The following NUP205 variants were observed in gnomAD, a reference collection of about 807,000 sequenced individuals.
NUP205 encodes the protein nucleoporin 205.
A neutral mutation model predicts 253.8 loss-of-function variants in NUP205; 76 were observed. The observed-to-expected ratio is 0.30, with a 90% CI of 0.25 to 0.36. NUP205 has a LOEUF of 0.36. Among genes scored for constraint, NUP205 ranks in the 10% least tolerant of loss-of-function variants. The pLI is 1.00. For synonymous variants in NUP205, 832 were observed against 850.1 expected (o/e 0.98, Z 0.37); for missense variants, 2,162 against 2,425.5 (o/e 0.89, Z 2.28).
chr7:135,559,840 C>G (rs574180702), intron 1 of NUP205, among the ~76,000 whole-genome samples: 1 of 151,552 alleles, frequency 6.6e-6, no homozygotes, highest in Non-Finnish European at 1.5e-5. Context: ...TACAGGCGCC[C>G]GCCACCATGC....
chr7:135,606,722 T>C (rs908883558), intron 20 of NUP205, 29 bp from the exon 21 acceptor site: 1 of 1,587,598 alleles, frequency 6.3e-7, no homozygotes, highest in Non-Finnish European at 8.6e-7. Flanking sequence ...CACTGTTTTG[T>C]AATTTTGTTT....
At chr7:135,630,269 A>G in intron 34 of NUP205, 75 bp from the exon 35 acceptor site, 1 of 1,121,704 alleles carries the variant, frequency 8.9e-7, no homozygotes, top group Non-Finnish European at 1.2e-6. Flanking sequence ...TTATTTATAA[A>G]ATGAATTATG....
intron 2 of NUP205, among the ~76,000 whole-genome samples, chr7:135,572,942 CTTTT>C (rs1186445399): frequency 2.2e-5 from 3 of 137,510 alleles, no homozygotes; most frequent in Non-Finnish European, 4.8e-5. Flanking sequence ...TGCTTTTTAG[CTTTT>C]TTTTTTTTTT....
chr7:135,576,254 C>A lies in NUP205; in HGVS notation c.344-16C>A. 1 of 1,608,450 alleles carries A rather than the reference C, an allele frequency of 6.2e-7. No homozygotes were observed. The highest frequency in any genetic ancestry group is 1.1e-5 in the South Asian group (1 of 90,522). ...CGTGTTTATTAACAATATTATTTCT[C>A]AACTTCCTTTTTTAGGAGAGCATCA... is the stretch of plus-strand genomic sequence containing the variant. On this transcript the variant is annotated splice_polypyrimidine_tract_variant and intron_variant, in intron 3 of 42. Transcript: ENST00000285968.
At chr7:135,565,042 T>G (rs1021289121) in intron 1 of NUP205, among the ~76,000 whole-genome samples, 1 of 152,182 alleles carries the variant, frequency 6.6e-6, no homozygotes, top group African/African-American at 2.4e-5. Flanking sequence ...GTACTGGCAT[T>G]ACAAGTGTGA....
intron 10 of NUP205, among the ~76,000 whole-genome samples, chr7:135,589,029 T>A (rs1443059528): frequency 6.6e-6 from 1 of 150,754 alleles, no homozygotes; most frequent in African/African-American, 2.4e-5. Context: ...AAATACTAGC[T>A]CGGTGTGCTA....
chr7:135,597,229 C>G, intron 13 of NUP205, 139 bp from the exon 14 acceptor site: 1 of 576,148 alleles, frequency 1.7e-6, no homozygotes, highest in Non-Finnish European at 3.2e-6. Context: ...CATCCAGGGA[C>G]TAATTGATTG....
At chr7:135,577,163 T>C (rs1806175164) in intron 5 of NUP205, 35 bp downstream of exon 5, 2 of 1,575,706 alleles carry the variant, frequency 1.3e-6, no homozygotes, top group Non-Finnish European at 1.7e-6. Flanking sequence ...ATGAGTTGTC[T>C]GTCAAATCTC....
At chr7:135,567,132 A>ATGTG (rs1563108034) in intron 1 of NUP205, among the ~76,000 whole-genome samples, 3 of 6,240 alleles carry the variant, frequency 4.8e-4, no homozygotes, top group African/African-American at 1.3e-3. Context: ...ATGTGTGTAT[A>ATGTG]TATATATATA....
chr7:135,607,827 G>C (rs1417994662), intron 22 of NUP205, among the ~76,000 whole-genome samples: 15 of 151,676 alleles, frequency 9.9e-5, no homozygotes, highest in Non-Finnish European at 1.8e-4. Context: ...TTTTTAAGAA[G>C]GGGTCTCACT....
chr7:135,645,872 G>A lies in NUP205; in HGVS notation c.5812+276G>A, dbSNP rs370471955. On this transcript the variant is annotated intron_variant, in intron 41 of 42. Coordinates refer to ENST00000285968, the MANE Select transcript of NUP205 (RefSeq NM_015135.3). Reference sequence around the variant, plus strand: ...GATCCAGCTCTAGAAGAATGGAGGAGGTCTGCTATTATGCTGATTCTTATT... The same window carrying A: ...GATCCAGCTCTAGAAGAATGGAGGAAGTCTGCTATTATGCTGATTCTTATT... The A allele has an allele frequency of 8.7e-6, 5 of 574,380 alleles. No homozygotes were observed. The East Asian group carries it at 1.4e-4, about 16-fold the overall frequency. 35.6% of individuals were successfully genotyped at this position (574,380 alleles called of 1,614,324 possible).
At chr7:135,647,923 T>C (rs1795041004) in intron 42 of NUP205, among the ~76,000 whole-genome samples, 1 of 152,182 alleles carries the variant, frequency 6.6e-6, no homozygotes, top group Non-Finnish European at 1.5e-5. Context: ...TATCCCCACA[T>C]TAATATTTTT....
intron 34 of NUP205, among the ~76,000 whole-genome samples, chr7:135,629,945 T>A (rs1794675992): frequency 6.6e-6 from 1 of 152,230 alleles, no homozygotes; most frequent in South Asian, 2.1e-4. Context: ...AATTCACTAG[T>A]CATTTTTATA....
intron 33 of NUP205, among the ~76,000 whole-genome samples, chr7:135,626,976 T>C (rs554737173): frequency 6.6e-6 from 1 of 152,330 alleles, no homozygotes; most frequent in Non-Finnish European, 1.5e-5. Flanking sequence ...ATGTTTGGAT[T>C]TTTAAGGCTT....
intron 42 of NUP205, among the ~76,000 whole-genome samples, chr7:135,646,873 G>C (rs139246992): frequency 8.3e-4 from 127 of 152,326 alleles, no homozygotes; most frequent in African/African-American, 3.0e-3. Flanking sequence ...CTAGAACATG[G>C]TAAGCATTCC....
intron 18 of NUP205, among the ~76,000 whole-genome samples, chr7:135,604,057 GC>G (rs1794029770): frequency 6.6e-6 from 1 of 152,028 alleles, no homozygotes; most frequent in South Asian, 2.1e-4. Flanking sequence ...TTTTATTAGG[GC>G]CTCCTTAATG....
At chr7:135,637,027 T>G (rs1794822435) in intron 36 of NUP205, among the ~76,000 whole-genome samples, 1 of 152,132 alleles carries the variant, frequency 6.6e-6, no homozygotes. Context: ...AATAAAATAA[T>G]AAGACAGTGT....
At chr7:135,630,266 T>C in intron 34 of NUP205, 78 bp from the exon 35 acceptor site, 3 of 1,089,472 alleles carry the variant, frequency 2.8e-6, no homozygotes, top group Non-Finnish European at 3.7e-6. Flanking sequence ...ACATTATTTA[T>C]AAAATGAATT....
At chr7:135,570,054 G>T (rs11766069) in intron 1 of NUP205, among the ~76,000 whole-genome samples, 7,212 of 59,958 alleles carry the variant, frequency 0.12, 131 homozygotes, top group African/African-American at 0.14. Flanking sequence ...TATATATATA[G>T]AGAGAGAGAG....
Sources: allele counts gnomAD v4.1 joint callset (sites outside exome capture counted in the v4.1 genomes callset), GRCh38; gene constraint gnomAD v4.1.1; transcripts MANE v1.5; gene names NCBI Gene and HGNC (gene_info 2026-07-23, HGNC 2026-07-21).